TRIM44: variants seen among roughly 807,000 people sequenced by gnomAD.
TRIM44 encodes the protein tripartite motif-containing protein 44.
In TRIM44, 13 loss-of-function variants were observed where a neutral mutation model predicts 37.4. The ratio of observed to expected loss-of-function variants is 0.35; its 90% CI spans 0.23 to 0.55. The LOEUF (loss-of-function observed/expected upper bound fraction) is 0.55. Ranked by LOEUF, TRIM44 falls within the 20% of genes least tolerant of loss-of-function variation. The pLI is 0.89. For synonymous variants in TRIM44, 175 were observed against 157.2 expected (o/e 1.11, Z -0.85); for missense variants, 426 against 437.2 (o/e 0.97, Z 0.23).
intron 4 of TRIM44, among the ~76,000 whole-genome samples, chr11:35,755,113 T>G (rs528289119): frequency 6.6e-6 from 1 of 152,336 alleles, no homozygotes; most frequent in Admixed American, 6.5e-5. Context: ...TAGTTTACAC[T>G]CCCACCAACA....
At chr11:35,717,872 T>C (rs1007573804) in intron 2 of TRIM44, among the ~76,000 whole-genome samples, 1 of 152,128 alleles carries the variant, frequency 6.6e-6, no homozygotes, top group Non-Finnish European at 1.5e-5. Context: ...AAACTCAGTT[T>C]CCTTTTATCT....
chr11:35,744,778 G>T (rs1388873937), intron 4 of TRIM44, among the ~76,000 whole-genome samples: 4 of 152,084 alleles, frequency 2.6e-5, no homozygotes, highest in Non-Finnish European at 5.9e-5. Context: ...GAGTCCATGT[G>T]TTCTCATCAT....
intron 2 of TRIM44, among the ~76,000 whole-genome samples, chr11:35,707,013 C>G (rs997288890): frequency 5.9e-5 from 9 of 151,976 alleles, no homozygotes; most frequent in Non-Finnish European, 7.4e-5. Context: ...TCTAGAAAAC[C>G]CCATTGTTTC....
At chr11:35,801,183 A>G (rs963162098) in intron 4 of TRIM44, among the ~76,000 whole-genome samples, 1 of 152,234 alleles carries the variant, frequency 6.6e-6, no homozygotes, top group African/African-American at 2.4e-5. Context: ...CAACTAGGCA[A>G]CCACTTCCTC....
chr11:35,780,797 C>T (rs1183272611), intron 4 of TRIM44, among the ~76,000 whole-genome samples: 3 of 130,998 alleles, frequency 2.3e-5, no homozygotes, highest in Non-Finnish European at 4.7e-5. Context: ...AAACTTAAGG[C>T]AATCAAAATG....
At chr11:35,699,281 T>G (rs1564959370) in intron 2 of TRIM44, among the ~76,000 whole-genome samples, 1 of 152,192 alleles carries the variant, frequency 6.6e-6, no homozygotes, top group Non-Finnish European at 1.5e-5. Context: ...ATCCCTGGGA[T>G]GCAAGTCTGG....
chr11:35,774,143 G>A (rs1405549420), intron 4 of TRIM44, among the ~76,000 whole-genome samples: 1 of 152,130 alleles, frequency 6.6e-6, no homozygotes, highest in African/African-American at 2.4e-5. Context: ...GTTGTTTCCT[G>A]ACTTTTTAAT....
intron 2 of TRIM44, among the ~76,000 whole-genome samples, chr11:35,710,408 G>A (rs1229598361): frequency 2.0e-5 from 3 of 152,160 alleles, no homozygotes; most frequent in Admixed American, 6.5e-5. Context: ...AGCATTCTTA[G>A]TTGAGACAAA....
chr11:35,696,081 G>C (rs1339582892), intron 2 of TRIM44, among the ~76,000 whole-genome samples: 1 of 150,956 alleles, frequency 6.6e-6, no homozygotes, highest in African/African-American at 2.4e-5. Context: ...TTGATACTAT[G>C]AAATAGAATT....
chr11:35,721,763 A>G (rs1013630345), intron 2 of TRIM44, among the ~76,000 whole-genome samples: 1 of 152,230 alleles, frequency 6.6e-6, no homozygotes, highest in Non-Finnish European at 1.5e-5. Flanking sequence ...AATGCTGTTC[A>G]GAGTTTATGT....
chr11:35,806,608 C>G lies in TRIM44; in HGVS notation c.*223C>G. ...GGTTGTGGTAGGTCAAGGAAAAGAG[C>G]CCCTTTGATCCACCAGGAGCAATTA... On this transcript the variant is annotated 3_prime_UTR_variant, in exon 5 of 5. Transcript: ENST00000299413. The G allele has an allele frequency of 3.7e-6, 2 of 543,228 alleles. No homozygotes were observed. Among genetic ancestry groups the G allele is most frequent in the South Asian group, 5.1e-5 (2 of 39,056 alleles). 33.7% of individuals were successfully genotyped at this position (543,228 alleles called of 1,614,324 possible).
chr11:35,678,201 A>G (rs944588362), intron 1 of TRIM44, among the ~76,000 whole-genome samples: 1 of 152,196 alleles, frequency 6.6e-6, no homozygotes, highest in African/African-American at 2.4e-5. Context: ...GATCTGGTTT[A>G]TATTCTTAAA....
In TRIM44 at chr11:35,813,821, C is replaced by T. The variant is rs1853552972; in HGVS notation, c.*7436C>T. On this transcript the variant is annotated 3_prime_UTR_variant, in exon 5 of 5. Transcript: ENST00000299413. ...TTAAAAGGAATAAACCTTTGACCATCCAGAATATTTAGCTAAATCAAACAG... is the reference window on the plus strand; with the variant it reads ...TTAAAAGGAATAAACCTTTGACCATTCAGAATATTTAGCTAAATCAAACAG... 6.6e-6 allele frequency: 1 copy of T among 152,086 alleles called. No individual in the cohort carries two copies. The highest frequency in any genetic ancestry group is 2.1e-4 in the South Asian group (1 of 4,820). The allele number at this position is 152,086 out of a possible 1,614,324, so 9.4% of individuals were successfully genotyped here. A position where few individuals can be genotyped will look rare whatever the true frequency, so the allele number is the denominator to read the frequency against.
At chr11:35,715,960 C>T (rs1467316503) in intron 2 of TRIM44, among the ~76,000 whole-genome samples, 1 of 152,154 alleles carries the variant, frequency 6.6e-6, no homozygotes, top group African/African-American at 2.4e-5. Context: ...GAACTCCACC[C>T]TTATGATCCA....
intron 2 of TRIM44, among the ~76,000 whole-genome samples, chr11:35,722,441 GA>G (rs1406260809): frequency 1.3e-5 from 2 of 152,144 alleles, no homozygotes; most frequent in African/African-American, 4.8e-5. Context: ...GTAGAGGAAT[GA>G]AAAAATGGCT....
At chr11:35,676,577 T>C (rs1050561583) in intron 1 of TRIM44, among the ~76,000 whole-genome samples, 1 of 152,232 alleles carries the variant, frequency 6.6e-6, no homozygotes, top group African/African-American at 2.4e-5. Flanking sequence ...GATTCTGTTT[T>C]ACATTCTGAA....
intron 1 of TRIM44, among the ~76,000 whole-genome samples, chr11:35,669,083 G>C (rs922885143): frequency 2.0e-5 from 3 of 151,896 alleles, no homozygotes; most frequent in Non-Finnish European, 4.4e-5. Context: ...TTCTTTTTGT[G>C]CTGGGTTCTG....
At chr11:35,727,973 A>G (rs1852203232) in intron 3 of TRIM44, among the ~76,000 whole-genome samples, 1 of 152,226 alleles carries the variant, frequency 6.6e-6, no homozygotes, top group East Asian at 1.9e-4. Context: ...CACAGTTCCT[A>G]TCAAGTTCGA....
At position 35,813,906 on chromosome 11, in the gene TRIM44, T is replaced by C. The variant is rs1237665119; in HGVS notation, c.*7521T>C. 1 of 152,238 alleles carries C rather than the reference T, an allele frequency of 6.6e-6. No homozygotes were observed. Among genetic ancestry groups the C allele is most frequent in the Non-Finnish European group, 1.5e-5 (1 of 68,038 alleles). The allele number at this position is 152,238 out of a possible 1,614,324, so 9.4% of individuals were successfully genotyped here. A position where few individuals can be genotyped will look rare whatever the true frequency, so the allele number is the denominator to read the frequency against. On this transcript the variant is annotated 3_prime_UTR_variant, in exon 5 of 5. Transcript: ENST00000299413. Reference sequence around the variant, plus strand: ...GAGCCTCTGGTGTTCAGAGAGTTTTTTTCACAGCTTTGTAAGTGACTTTCA... The same window carrying C: ...GAGCCTCTGGTGTTCAGAGAGTTTTCTTCACAGCTTTGTAAGTGACTTTCA...
Sources: allele counts gnomAD v4.1 joint callset (sites outside exome capture counted in the v4.1 genomes callset), GRCh38; gene constraint gnomAD v4.1.1; transcripts MANE v1.5; gene names NCBI Gene and HGNC (gene_info 2026-07-23, HGNC 2026-07-21).